Variants in SLC6A18 observed in about 807,000 individuals in gnomAD.
SLC6A18 encodes the protein solute carrier family 6 member 18.
In SLC6A18, 58 loss-of-function variants were observed where a neutral mutation model predicts 62.9. That is an observed-to-expected ratio of 0.92 (90% CI 0.75 to 1.15). SLC6A18 has a LOEUF of 1.15. SLC6A18 is among the 50% of genes most tolerant of loss of function. The pLI is 0.00. For synonymous variants in SLC6A18, 382 were observed against 365.8 expected, an observed-to-expected ratio of 1.04 and a Z score of -0.51; for missense variants, 793 against 836.6, an observed-to-expected ratio of 0.95 and a Z score of 0.64.
chr5:1,244,749 G>A lies in SLC6A18; in HGVS notation c.1638G>A (p.Lys546=), dbSNP rs1203131357. The A allele has an allele frequency of 1.9e-6, 3 of 1,607,754 alleles. No individual in the cohort carries two copies. In the African/African-American group the frequency reaches 4.0e-5, roughly 21 times the overall value. The part of the protein sequence containing the change: ...ILLFWKPLRY[K]AWNPKYELFP... ...TGTTCTGGAAGCCACTGAGATACAA[G>A]GCCTGGAACCCCAAATACGTAGGTC... Residue 546 remains lysine, a synonymous_variant, in exon 11 of 12, where the codon AAG becomes AAA. Coordinates refer to ENST00000324642, the MANE Select transcript of SLC6A18 (RefSeq NM_182632.3).
At chr5:1,245,751 T>G in intron 11 of SLC6A18, 97 bp from the exon 12 acceptor site, 1 of 1,281,834 alleles carries the variant, frequency 7.8e-7, no homozygotes, top group Non-Finnish European at 1.1e-6. Flanking sequence ...CAAGTCCGGG[T>G]GGGCAGGTGG....
chr5:1,242,788 C>T lies in SLC6A18; in HGVS notation c.1056C>T (p.His352=), dbSNP rs765893676. Residue 352 remains histidine (H), a synonymous_variant, in exon 8 of 12, where the codon CAC becomes CAT. Coordinates refer to ENST00000324642, the MANE Select transcript of SLC6A18 (RefSeq NM_182632.3). ...ACGACTACCCAGCCGTCCTCATGCACCTGAACGCCACCTGGCCCAAGAGGG... is the reference window on the plus strand; with the variant it reads ...ACGACTACCCAGCCGTCCTCATGCATCTGAACGCCACCTGGCCCAAGAGGG... The part of the protein sequence containing the change: ...SRDDYPAVLM[H]LNATWPKRVA... The T allele has an allele frequency of 1.1e-5, 17 of 1,614,090 alleles. No individual in the cohort carries two copies. In the South Asian group the frequency reaches 1.3e-4, roughly 13 times the overall value.
At chr5:1,242,607 C>T (rs569331771) in intron 7 of SLC6A18, 100 bp from the exon 8 acceptor site, 29 of 1,480,408 alleles carry the variant, frequency 2.0e-5, no homozygotes, top group Non-Finnish European at 2.5e-5. Flanking sequence ...AGGGGCCCAG[C>T]CCTCCCAGGG....
chr5:1,244,722 C>T lies in SLC6A18; in HGVS notation c.1611C>T (p.Leu537=). 1.2e-6 allele frequency: 2 copies of T among 1,612,440 alleles called. No homozygotes were observed. Among genetic ancestry groups the T allele is most frequent in the Non-Finnish European group, 1.7e-6 (2 of 1,178,584 alleles). Reference sequence around the variant, plus strand: ...CCATCTTTGTGGCTTACATCATCCTCCTGTTCTGGAAGCCACTGAGATACA... The same window carrying T: ...CCATCTTTGTGGCTTACATCATCCTTCTGTTCTGGAAGCCACTGAGATACA... The part of the protein sequence containing the change: ...LLTIFVAYII[L]LFWKPLRYKA... The change falls in exon 11 of 12, where the codon CTC becomes CTT. Residue 537 remains leucine, a synonymous_variant. Coordinates refer to ENST00000324642, the MANE Select transcript of SLC6A18 (RefSeq NM_182632.3).
chr5:1,231,843 G>GCC (rs1746737946), intron 1 of SLC6A18, among the ~76,000 whole-genome samples: 2 of 152,176 alleles, frequency 1.3e-5, no homozygotes, highest in Non-Finnish European at 2.9e-5. Context: ...CACAGAGGCT[G>GCC]AGTCCCCACT....
intron 3 of SLC6A18, among the ~76,000 whole-genome samples, chr5:1,233,769 T>C (rs1031459557): frequency 6.0e-5 from 8 of 134,442 alleles, no homozygotes; most frequent in Non-Finnish European, 1.4e-4. Context: ...TGAGACGGAG[T>C]CTTGCTCTGT....
chr5:1,244,222 T>G lies in SLC6A18; in HGVS notation c.1345T>G (p.Cys449Gly). 7.1e-7 allele frequency: 1 copy of G among 1,417,360 alleles called. No individual in the cohort carries two copies. The allele number at this position is 1,417,360 out of a possible 1,614,324, so 87.8% of individuals were successfully genotyped here. The change falls in exon 10 of 12, where the codon TGC (cysteine) becomes GGC (glycine). Residue 449 changes from cysteine (C) to glycine (G), a missense_variant. Physicochemically the swap from Cys to Gly is radical, Grantham distance 159. Transcript: ENST00000324642. ...VPKEALTGLV[C>G]LVCFLSATCF... ...CTTTCCCACTGCCCCAGGGCTGGTC[T>G]GCCTGGTCTGCTTCCTCTCCGCCAC...
At chr5:1,240,986 C>A (rs2126539476) in intron 7 of SLC6A18, among the ~76,000 whole-genome samples, 1 of 152,340 alleles carries the variant, frequency 6.6e-6, no homozygotes, top group African/African-American at 2.4e-5. Context: ...GGTCGCAGCG[C>A]TTGTGGCCAC....
At chr5:1,242,172 C>T (rs1747077318) in intron 7 of SLC6A18, among the ~76,000 whole-genome samples, 1 of 152,210 alleles carries the variant, frequency 6.6e-6, no homozygotes, top group Admixed American at 6.5e-5. Context: ...GACCCACCTT[C>T]GAAGTGAGGA....
In SLC6A18 at chr5:1,243,563, G is replaced by C. The variant is rs151263479; in HGVS notation, c.1140G>C (p.Ser380=). ...LLEDFLDKSA[S]GPGLAFVVFT... is the part of the protein sequence containing the mutation. Reference sequence around the variant, plus strand: ...GGCTCCGTGTATTGCAGAGTGCCTCGGGCCCGGGCCTGGCCTTCGTCGTCT... The same window carrying C: ...GGCTCCGTGTATTGCAGAGTGCCTCCGGCCCGGGCCTGGCCTTCGTCGTCT... The change falls in exon 9 of 12, where the codon TCG becomes TCC. Residue 380 remains serine (S), a synonymous_variant. Transcript: ENST00000324642. The surrounding 1 kb of genome is among the most constrained non-coding windows in gnomAD (Gnocchi z 6.5). 6.2e-7 allele frequency: 1 copy of C among 1,613,502 alleles called. No homozygotes were observed. Among genetic ancestry groups the C allele is most frequent in the South Asian group, 1.1e-5 (1 of 91,066 alleles).
rs569706326 is a variant in SLC6A18, at chr5:1,238,030, A to G, written c.702A>G (p.Thr234=). 13 of 1,614,146 alleles carry G rather than the reference A, an allele frequency of 8.1e-6. No homozygotes were observed. In the East Asian group the frequency reaches 2.5e-4, roughly 30 times the overall value. Reference sequence around the variant, plus strand: ...GAGGGCTGACCCTGCCAGGGGCAACAAAAGGACTCATCTACTTGTTCACTC... The same window carrying G: ...GAGGGCTGACCCTGCCAGGGGCAACGAAAGGACTCATCTACTTGTTCACTC... ...LIRGLTLPGA[T]KGLIYLFTPN... Residue 234 remains threonine, a synonymous_variant, in exon 5 of 12, where the codon ACA becomes ACG. Coordinates refer to ENST00000324642, the MANE Select transcript of SLC6A18 (RefSeq NM_182632.3).
chr5:1,235,721 C>T (rs1746868142), intron 4 of SLC6A18, 59 bp downstream of exon 4: 1 of 1,557,144 alleles, frequency 6.4e-7, no homozygotes, highest in Admixed American at 1.7e-5. Flanking sequence ...AAGACCCCTC[C>T]CCATTGACCT....
At position 1,243,500 on chromosome 5, in the gene SLC6A18, G is replaced by A. The variant is rs2126542010; in HGVS notation, c.1132-55G>A. ...GTGTGTCCTGCAGGCAGGCGTGTGTGTGTGGTGGAGTGTGTGTGTGCGTGG... is the reference window on the plus strand; with the variant it reads ...GTGTGTCCTGCAGGCAGGCGTGTGTATGTGGTGGAGTGTGTGTGTGCGTGG... On this transcript the variant is annotated intron_variant, in intron 8 of 11. Transcript: ENST00000324642. The surrounding 1 kb of genome is among the most constrained non-coding windows in gnomAD (Gnocchi z 6.5). 1 of 1,570,608 alleles carries A rather than the reference G, an allele frequency of 6.4e-7. No individual in the cohort carries two copies. The highest frequency in any genetic ancestry group is 2.2e-5 in the East Asian group (1 of 44,602).
intron 1 of SLC6A18, among the ~76,000 whole-genome samples, chr5:1,229,753 G>A (rs1002289251): frequency 1.3e-5 from 2 of 150,760 alleles, no homozygotes; most frequent in Non-Finnish European, 3.0e-5. Context: ...GAGGTCGGGG[G>A]GAAGAAGGCC....
intron 4 of SLC6A18, among the ~76,000 whole-genome samples, chr5:1,237,699 G>C (rs1020158981): frequency 6.6e-6 from 1 of 152,132 alleles, no homozygotes; most frequent in Non-Finnish European, 1.5e-5. Context: ...GACAGCCAGT[G>C]CTCCATGGGG....
chr5:1,239,061 G>C (rs2126537517), intron 5 of SLC6A18, among the ~76,000 whole-genome samples: 1 of 152,378 alleles, frequency 6.6e-6, no homozygotes, highest in African/African-American at 2.4e-5. Context: ...AAGCAGAAAA[G>C]CCAGGCTCCG....
chr5:1,240,250 G>A (rs1332525139), intron 6 of SLC6A18, among the ~76,000 whole-genome samples: 1 of 152,264 alleles, frequency 6.6e-6, no homozygotes, highest in Non-Finnish European at 1.5e-5. Context: ...CTCTATGAAT[G>A]CCCTGCCTCT....
intron 11 of SLC6A18, among the ~76,000 whole-genome samples, 167 bp from the exon 12 acceptor site, chr5:1,245,681 C>T (rs1472262702): frequency 6.6e-6 from 1 of 152,198 alleles, no homozygotes; most frequent in Non-Finnish European, 1.5e-5. Flanking sequence ...CCCGGAGGGG[C>T]GGTGGTGAGC....
chr5:1,237,273 G>A (rs1417852801), intron 4 of SLC6A18, among the ~76,000 whole-genome samples: 1 of 149,168 alleles, frequency 6.7e-6, no homozygotes, highest in Non-Finnish European at 1.5e-5. Context: ...ATGCATCCCA[G>A]GTGATTCTGC....
Sources: allele counts gnomAD v4.1 joint callset (sites outside exome capture counted in the v4.1 genomes callset), GRCh38; gene constraint gnomAD v4.1.1; non-coding constraint Gnocchi (gnomAD v3.1); transcripts MANE v1.5; gene names NCBI Gene and HGNC (gene_info 2026-07-23, HGNC 2026-07-21).